The following PDE4D variants were observed in gnomAD, a reference collection of about 807,000 sequenced individuals.
PDE4D encodes 3',5'-cyclic-AMP phosphodiesterase 4D.
PDE4D carries 24 observed loss-of-function variants against 87.4 expected under a neutral mutation model. The observed-to-expected ratio is 0.27, with a 90% CI of 0.20 to 0.39. The LOEUF is 0.39. PDE4D is among the 10% of genes least tolerant of loss of function. The probability of loss-of-function intolerance (pLI) is 1.00; values close to 1 mark genes in which losing one functional copy is unlikely to be tolerated. For synonymous variants in PDE4D, 384 were observed against 383.2 expected (o/e 1.00, Z -0.02); for missense variants, 714 against 1,041.0 (o/e 0.69, Z 4.32).
chr5:60,078,481 T>C (rs1358720816), intron 2 of PDE4D, among the ~76,000 whole-genome samples: 2 of 152,166 alleles, frequency 1.3e-5, no homozygotes, highest in Non-Finnish European at 2.9e-5. Flanking sequence ...TACATAGGTA[T>C]ATGTGTGCTA....
intron 1 of PDE4D, among the ~76,000 whole-genome samples, chr5:59,253,224 G>C (rs1760322135): frequency 6.6e-6 from 1 of 152,088 alleles, no homozygotes; most frequent in South Asian, 2.1e-4. Flanking sequence ...TAAAAATGCT[G>C]TGATTAGTTA....
chr5:59,286,534 A>G (rs1766985284), intron 1 of PDE4D, among the ~76,000 whole-genome samples: 1 of 152,238 alleles, frequency 6.6e-6, no homozygotes, highest in African/African-American at 2.4e-5. Context: ...GAATGGGTAA[A>G]CTTATTACTC....
intron 1 of PDE4D, among the ~76,000 whole-genome samples, chr5:59,704,201 A>G (rs1014816303): frequency 6.6e-6 from 1 of 152,202 alleles, no homozygotes; most frequent in Admixed American, 6.5e-5. Context: ...GTAGGTGACA[A>G]GCTAACCCGT....
At chr5:59,169,397 C>T (rs894845534) in intron 5 of PDE4D, among the ~76,000 whole-genome samples, 1 of 151,808 alleles carries the variant, frequency 6.6e-6, no homozygotes, top group East Asian at 1.9e-4. Context: ...AATTACTAAA[C>T]ATTTCCCAAA....
chr5:59,753,068 T>C lies in PDE4D; in HGVS notation c.455+140100A>G, dbSNP rs557060403. On this transcript the variant is annotated intron_variant, in intron 1 of 14. Coordinates refer to ENST00000340635, the MANE Select transcript of PDE4D (RefSeq NM_001104631.2). ...GGTTGAATAGTTGCCCCAGAGACCA[T>C]AGGGTCCGCAAAGCCTAAAATATTT... 5.9e-5 allele frequency among the ~76,000 whole-genome samples: 9 copies of C among 152,266 alleles called. No homozygotes were observed. In the South Asian group the frequency reaches 1.9e-3, roughly 32 times the overall value.
At chr5:59,980,595 CT>C (rs1276871416) in intron 3 of PDE4D, among the ~76,000 whole-genome samples, 1 of 152,170 alleles carries the variant, frequency 6.6e-6, no homozygotes, top group Non-Finnish European at 1.5e-5. Context: ...AAACCTTCCC[CT>C]GGTACATGCT....
Position 59,456,065 on chromosome 5 carries a change from G to A in PDE4D, c.456-240097C>T, listed in dbSNP as rs1339687328. 5.3e-5 allele frequency among the ~76,000 whole-genome samples: 8 copies of A among 152,200 alleles called. No homozygotes were observed. In the East Asian group the frequency reaches 1.5e-3, roughly 29 times the overall value. ...ATGAGATGTAGGACTGTGGACTTTT[G>A]AGATAATGCTGAAATGAGTTAAGAC... is the stretch of plus-strand genomic sequence containing the variant. On this transcript the variant is annotated intron_variant, in intron 1 of 14. Transcript: ENST00000340635.
intron 1 of PDE4D, among the ~76,000 whole-genome samples, chr5:60,356,723 G>A (rs866604806): frequency 4.8e-4 from 73 of 152,156 alleles, no homozygotes; most frequent in African/African-American, 1.7e-3. Flanking sequence ...CAAAATGAGT[G>A]AGTAAATAAA....
intron 1 of PDE4D, among the ~76,000 whole-genome samples, chr5:59,621,124 C>G (rs1236212010): frequency 6.6e-6 from 1 of 152,014 alleles, no homozygotes; most frequent in Non-Finnish European, 1.5e-5. Flanking sequence ...CTATAAAACA[C>G]TCCAGACTCA....
intron 1 of PDE4D, among the ~76,000 whole-genome samples, chr5:59,821,364 A>G (rs1260572294): frequency 1.3e-5 from 2 of 152,258 alleles, no homozygotes; most frequent in African/African-American, 4.8e-5. Flanking sequence ...GTGATGCCAA[A>G]AAAGGTAACT....
At chr5:60,397,894 C>G (rs184503023) in intron 1 of PDE4D, among the ~76,000 whole-genome samples, 10 of 152,210 alleles carry the variant, frequency 6.6e-5, no homozygotes, top group Admixed American at 5.9e-4. Context: ...CAATAACTTA[C>G]CCTAATCAAT....
chr5:60,384,288 A>G (rs1347950192), intron 1 of PDE4D, among the ~76,000 whole-genome samples: 2 of 152,178 alleles, frequency 1.3e-5, no homozygotes, highest in Non-Finnish European at 2.9e-5. Flanking sequence ...AAATCATGCC[A>G]CCCTATAATT....
intron 1 of PDE4D, among the ~76,000 whole-genome samples, chr5:60,469,160 A>T (rs574471472): frequency 6.6e-6 from 1 of 152,188 alleles, no homozygotes; most frequent in African/African-American, 2.4e-5. Context: ...AACCATTCTC[A>T]CTATGGTCAC....
chr5:60,013,166 T>TCCAAACTTCA (rs1356946972), intron 2 of PDE4D, among the ~76,000 whole-genome samples: 1 of 152,164 alleles, frequency 6.6e-6, no homozygotes, highest in Non-Finnish European at 1.5e-5. Context: ...ATTTTCTGGT[T>TCCAAACTTCA]CCAAACTTCA....
chr5:59,799,496 T>C (rs1766874570), intron 1 of PDE4D, among the ~76,000 whole-genome samples: 1 of 152,188 alleles, frequency 6.6e-6, no homozygotes, highest in South Asian at 2.1e-4. Context: ...GTTTGGTTAT[T>C]CAAGTGAATT....
intron 1 of PDE4D, among the ~76,000 whole-genome samples, chr5:60,498,029 T>G (rs1303886610): frequency 6.6e-6 from 1 of 152,190 alleles, no homozygotes; most frequent in Non-Finnish European, 1.5e-5. Context: ...CTATCAGCAG[T>G]TGTTTAGCCG....
At chr5:59,541,960 C>G (rs1242627029) in intron 1 of PDE4D, among the ~76,000 whole-genome samples, 1 of 152,166 alleles carries the variant, frequency 6.6e-6, no homozygotes, top group Non-Finnish European at 1.5e-5. Context: ...TTCATGGACA[C>G]TAGATCCTGT....
chr5:59,295,984 G>A (rs902461723), intron 1 of PDE4D, among the ~76,000 whole-genome samples: 2 of 151,978 alleles, frequency 1.3e-5, no homozygotes, highest in East Asian at 3.9e-4. Flanking sequence ...TATTCAGAGA[G>A]CCAACATAGC....
chr5:59,302,746 T>C (rs549898121), intron 1 of PDE4D, among the ~76,000 whole-genome samples: 1 of 152,314 alleles, frequency 6.6e-6, no homozygotes, highest in Non-Finnish European at 1.5e-5. Context: ...TCATTGTATA[T>C]ATATCTGTAC....
Sources: gnomAD v4.1 joint callset for allele counts (sites outside exome capture counted in the v4.1 genomes callset) on GRCh38, gnomAD v4.1.1 for gene constraint, MANE v1.5 for transcripts, NCBI Gene and HGNC (gene_info 2026-07-23, HGNC 2026-07-21) for gene names.